The following CNTNAP4 variants were observed in gnomAD, a reference collection of about 807,000 sequenced individuals.
CNTNAP4 encodes contactin associated protein family member 4.
A neutral mutation model predicts 148.4 loss-of-function variants in CNTNAP4; 98 were observed. The ratio of observed to expected loss-of-function variants is 0.66; its 90% CI spans 0.56 to 0.78. The LOEUF is 0.78. Among genes scored for constraint, CNTNAP4 ranks in the 30% least tolerant of loss-of-function variants. CNTNAP4 has a pLI of 0.00. For missense variants in CNTNAP4, 1,935 were observed against 1,565.6 expected (o/e 1.24, Z -3.98); for synonymous variants, 730 against 565.1 (o/e 1.29, Z -4.14).
chr16:76,526,484 C>G (rs865787059), intron 17 of CNTNAP4, among the ~76,000 whole-genome samples: 3 of 152,128 alleles, frequency 2.0e-5, no homozygotes, highest in Non-Finnish European at 4.4e-5. Context: ...GGCAGGCTAT[C>G]ACAGTGGTCC....
chr16:76,386,685 A>G (rs1365478477), intron 3 of CNTNAP4, among the ~76,000 whole-genome samples: 1 of 152,192 alleles, frequency 6.6e-6, no homozygotes, highest in African/African-American at 2.4e-5. Flanking sequence ...GGTGAGTAGA[A>G]TGGCCTTCCA....
chr16:76,444,111 A>G (rs1239837390), intron 4 of CNTNAP4, among the ~76,000 whole-genome samples: 1 of 152,184 alleles, frequency 6.6e-6, no homozygotes, highest in Non-Finnish European at 1.5e-5. Flanking sequence ...GAGTGTATAT[A>G]TAGGAATCCA....
Position 76,467,362 on chromosome 16 carries a change from C to G in CNTNAP4, c.1494C>G (p.Asp498Glu). The change falls in exon 10 of 24, where the codon GAC becomes GAG. Residue 498 changes from aspartate (D) to glutamate (E), a missense_variant. By Grantham distance (45) the Asp-to-Glu change is conservative. Coordinates refer to ENST00000611870, the MANE Select transcript of CNTNAP4 (RefSeq NM_033401.5). ...TTTCGTTTTTATCAGGTTGTCCTGA[C>G]AAAAGCTTTGGATCCAAATGTAAAA... Reference protein sequence around the residue: ...GGTYYFGGCPDKSFGSKCKSP... With the variant: ...GGTYYFGGCPEKSFGSKCKSP... 6.2e-7 allele frequency: 1 copy of G among 1,613,696 alleles called. No individual in the cohort carries two copies. The highest frequency in any genetic ancestry group is 1.6e-4 in the Middle Eastern group (1 of 6,062).
At chr16:76,308,321 TGATGAGAG>T (rs1960717717) in intron 1 of CNTNAP4, among the ~76,000 whole-genome samples, 1 of 152,214 alleles carries the variant, frequency 6.6e-6, no homozygotes, top group Non-Finnish European at 1.5e-5. Flanking sequence ...TTTTAGGTAA[TGATGAGAG>T]GATGAGAGAC....
At chr16:76,319,277 A>G (rs1962152841) in intron 2 of CNTNAP4, among the ~76,000 whole-genome samples, 1 of 152,054 alleles carries the variant, frequency 6.6e-6, no homozygotes, top group Admixed American at 6.5e-5. Flanking sequence ...CCGCGGTCCT[A>G]GCTATCCAGG....
At chr16:76,443,324 A>G (rs977950629) in intron 4 of CNTNAP4, among the ~76,000 whole-genome samples, 5 of 152,108 alleles carry the variant, frequency 3.3e-5, no homozygotes, top group African/African-American at 7.2e-5. Flanking sequence ...CCTATGGTCA[A>G]TTTTATAATA....
intron 15 of CNTNAP4, among the ~76,000 whole-genome samples, chr16:76,513,250 T>A (rs769458811): frequency 1.3e-5 from 2 of 152,176 alleles, no homozygotes; most frequent in Non-Finnish European, 2.9e-5. Flanking sequence ...GTCACTTCTG[T>A]CTTCTGCTCT....
At chr16:76,358,621 T>C (rs1452000662) in intron 3 of CNTNAP4, among the ~76,000 whole-genome samples, 6 of 152,204 alleles carry the variant, frequency 3.9e-5, no homozygotes, top group Admixed American at 3.9e-4. Flanking sequence ...TCCAGAGTTA[T>C]GGTTTCCTGT....
chr16:76,460,773 A>AAAAATATATATAT, intron 8 of CNTNAP4, among the ~76,000 whole-genome samples: 4 of 57,322 alleles, frequency 7.0e-5, no homozygotes, highest in African/African-American at 2.6e-4. Context: ...AAAAAAAAAA[A>AAAAATATATATAT]ATATATATAT....
chr16:76,414,907 A>T (rs1452081408), intron 3 of CNTNAP4, among the ~76,000 whole-genome samples: 1 of 151,232 alleles, frequency 6.6e-6, no homozygotes, highest in Non-Finnish European at 1.5e-5. Flanking sequence ...TCCCAGATCA[A>T]TCCTAACTAG....
At chr16:76,500,060 A>G (rs1019979965) in intron 15 of CNTNAP4, among the ~76,000 whole-genome samples, 20 of 152,080 alleles carry the variant, frequency 1.3e-4, no homozygotes, top group Non-Finnish European at 2.1e-4. Flanking sequence ...CCCGTTCTCA[A>G]TGAGCTGTTG....
intron 19 of CNTNAP4, among the ~76,000 whole-genome samples, chr16:76,538,778 C>A (rs1323357219): frequency 6.6e-6 from 1 of 151,734 alleles, no homozygotes; most frequent in Non-Finnish European, 1.5e-5. Context: ...CACAAGATGA[C>A]CTTTTAGTTG....
At chr16:76,306,552 C>G (rs1375068918) in intron 1 of CNTNAP4, among the ~76,000 whole-genome samples, 4 of 152,200 alleles carry the variant, frequency 2.6e-5, no homozygotes, top group Non-Finnish European at 4.4e-5. Context: ...CTAACTGGTG[C>G]TCAAGTCAGA....
At chr16:76,357,504 A>G (rs2012841675) in intron 3 of CNTNAP4, among the ~76,000 whole-genome samples, 3 of 152,338 alleles carry the variant, frequency 2.0e-5, no homozygotes, top group Middle Eastern at 3.4e-3. Context: ...CATGGCGTCT[A>G]TCATAATCCT....
intron 17 of CNTNAP4, among the ~76,000 whole-genome samples, chr16:76,532,876 A>C (rs2084046523): frequency 6.6e-6 from 1 of 152,158 alleles, no homozygotes; most frequent in Non-Finnish European, 1.5e-5. Flanking sequence ...TCTGGTAAGG[A>C]AGAAAAAGAA....
Position 76,427,579 on chromosome 16 carries a change from A to G in CNTNAP4, c.518A>G (p.Glu173Gly). ...AAGGGCAGAATTGGAATGCGAATCG[A>G]AGTGTTCGGATGTGCATACAGTAAG... Reference protein sequence around the residue: ...NPKGRIGMRIEVFGCAYRSEV... With the variant: ...NPKGRIGMRIGVFGCAYRSEV... The change falls in exon 4 of 24, where the codon GAA becomes GGA. Residue 173 changes from glutamate to glycine, a missense_variant. Transcript: ENST00000611870. 1.2e-6 allele frequency: 2 copies of G among 1,612,280 alleles called. No individual in the cohort carries two copies. Among genetic ancestry groups the G allele is most frequent in the Non-Finnish European group, 1.7e-6 (2 of 1,179,074 alleles).
intron 3 of CNTNAP4, among the ~76,000 whole-genome samples, chr16:76,422,752 C>T (rs1051766399): frequency 2.0e-5 from 3 of 152,154 alleles, no homozygotes; most frequent in African/African-American, 7.2e-5. Context: ...AAAATAACTA[C>T]TTCACAGAGT....
At chr16:76,453,684 G>C (rs9930702) in intron 8 of CNTNAP4, among the ~76,000 whole-genome samples, 1 of 151,886 alleles carries the variant, frequency 6.6e-6, no homozygotes, top group African/African-American at 2.4e-5. Context: ...AAAAAAATGA[G>C]AAGTTAAAAT....
At chr16:76,290,593 A>C (rs972326730) in intron 1 of CNTNAP4, among the ~76,000 whole-genome samples, 3 of 152,160 alleles carry the variant, frequency 2.0e-5, no homozygotes, top group Non-Finnish European at 4.4e-5. Context: ...TGAGTCAACA[A>C]TTTCAAGAAA....
Sources: allele counts gnomAD v4.1 joint callset (sites outside exome capture counted in the v4.1 genomes callset), GRCh38; gene constraint gnomAD v4.1.1; transcripts MANE v1.5; gene names NCBI Gene and HGNC (gene_info 2026-07-23, HGNC 2026-07-21).